BANP: variants seen among roughly 807,000 people sequenced by gnomAD.
BANP encodes protein BANP.
Under a neutral mutation model 68.1 loss-of-function variants are expected in BANP, and 11 were observed. The ratio of observed to expected loss-of-function variants is 0.16; its 90% CI spans 0.10 to 0.27. The LOEUF is 0.27. BANP is among the 10% of genes least tolerant of loss of function. BANP has a pLI of 1.00. For missense variants in BANP, 504 were observed against 722.7 expected (o/e 0.70, Z 3.47); for synonymous variants, 329 against 303.2 (o/e 1.09, Z -0.88).
upstream of BANP, chr16:87,949,857 TTTTG>T (rs2056635317): frequency 2.0e-5 from 3 of 151,918 alleles, no homozygotes; most frequent in African/African-American, 7.3e-5. Flanking sequence ...AGGTAAAGCA[TTTTG>T]TTTTTCTTTC....
rs563517726 is a variant in BANP, at chr16:87,977,896, C to T, written c.70+2711C>T. Among the ~76,000 whole-genome samples the T allele has an allele frequency of 6.6e-4, 101 of 152,232 alleles. 1 individual carries two copies. Among genetic ancestry groups the T allele is most frequent in the Non-Finnish European group, 8.8e-5 (6 of 68,024 alleles). On this transcript the variant is annotated intron_variant, in intron 2 of 13. Transcript: ENST00000682872. ...CTGTTGCCAGGCTGGAGTGCAGTGG[C>T]GTGATCTCAGCTCACTGCAACCTTT...
chr16:87,967,786 C>T (rs1387512488), intron 1 of BANP, among the ~76,000 whole-genome samples: 2 of 152,092 alleles, frequency 1.3e-5, no homozygotes, highest in Non-Finnish European at 2.9e-5. Context: ...CCACGCCCTG[C>T]TAATTTTTGT....
At chr16:87,983,095 A>G (rs11645107) in intron 3 of BANP, among the ~76,000 whole-genome samples, 98,727 of 151,080 alleles carry the variant, frequency 0.65, 32,873 homozygotes, top group African/African-American at 0.74. Context: ...TCTGATGTGC[A>G]CACTTTGGAC....
chr16:87,975,404 C>A (rs2061833772), intron 2 of BANP, among the ~76,000 whole-genome samples: 7 of 152,204 alleles, frequency 4.6e-5, no homozygotes, highest in Admixed American at 4.6e-4. Flanking sequence ...CCCTGTGACA[C>A]TTTGTCTCGA....
rs2070313449 is a variant in BANP, at chr16:88,004,263, T to G, written c.363-32T>G. The G allele has an allele frequency of 7.5e-7, 1 of 1,335,914 alleles. No individual in the cohort carries two copies. The highest frequency in any genetic ancestry group is 1.1e-6 in the Non-Finnish European group (1 of 952,282). 82.8% of individuals were successfully genotyped at this position (1,335,914 alleles called of 1,614,324 possible). A position where few individuals can be genotyped will look rare whatever the true frequency, so the allele number is the denominator to read the frequency against. On this transcript the variant is annotated intron_variant, in intron 4 of 13. Coordinates refer to ENST00000682872, the MANE Select transcript of BANP (RefSeq NM_001386991.1). This position sits in a 1 kb window ranked among gnomAD's most constrained non-coding sequence, Gnocchi z 7.0. ...CCATGAATGTTGTTGTTTTAAGGCCTTCTTTTTCTTTGTGATTCTTTTGTT... is the reference window on the plus strand; with the variant it reads ...CCATGAATGTTGTTGTTTTAAGGCCGTCTTTTTCTTTGTGATTCTTTTGTT...
intron 4 of BANP, among the ~76,000 whole-genome samples, chr16:87,995,835 G>T (rs1211726840): frequency 6.6e-6 from 1 of 152,258 alleles, no homozygotes; most frequent in East Asian, 1.9e-4. Flanking sequence ...GGCGCCAAGG[G>T]GAAGCAGCGC....
chr16:88,074,641 C>T (rs1264290506), intron 13 of BANP, among the ~76,000 whole-genome samples: 1 of 152,066 alleles, frequency 6.6e-6, no homozygotes, highest in Non-Finnish European at 1.5e-5. Context: ...AAGTCCCCAG[C>T]TGCCTTTCCA....
intron 11 of BANP, among the ~76,000 whole-genome samples, chr16:88,053,231 C>G (rs1376321134): frequency 6.6e-5 from 10 of 152,076 alleles, no homozygotes; most frequent in Non-Finnish European, 1.5e-4. Context: ...ACCAACACAA[C>G]CACCCTAACA....
rs747628148 is a variant in BANP at position 88,006,229 on chromosome 16, G to A, written c.619G>A (p.Gly207Arg). 6.2e-7 allele frequency: 1 copy of A among 1,612,112 alleles called. No homozygotes were observed. The highest frequency in any genetic ancestry group is 8.5e-7 in the Non-Finnish European group (1 of 1,179,132). ...TGGGCAGGCGGGCAGTCAGAGCATC[G>A]GGAGCAACGTCACGCTCATCACCCT... ...SCGQAGSQSI[G>R]SNVTLITLNS... Residue 207 changes from glycine to arginine, a missense_variant, in exon 6 of 14, where the codon GGG becomes AGG. Physicochemically the swap from Gly to Arg is moderately radical, Grantham distance 125. Coordinates refer to ENST00000682872, the MANE Select transcript of BANP (RefSeq NM_001386991.1).
intron 8 of BANP, among the ~76,000 whole-genome samples, chr16:88,030,654 CAG>C (rs2152731336): frequency 6.6e-6 from 1 of 152,336 alleles, no homozygotes; most frequent in South Asian, 2.1e-4. Flanking sequence ...AATGTAGACT[CAG>C]AGCATTTGCA....
chr16:88,054,673 G>A (rs979499184), intron 11 of BANP, among the ~76,000 whole-genome samples: 1 of 152,126 alleles, frequency 6.6e-6, no homozygotes, highest in African/African-American at 2.4e-5. Context: ...TCTACTTATT[G>A]GCCTCTCACC....
intron 11 of BANP, among the ~76,000 whole-genome samples, chr16:88,050,861 T>TA (rs952319709): frequency 2.1e-4 from 32 of 152,130 alleles, no homozygotes; most frequent in African/African-American, 7.7e-4. Flanking sequence ...CTAATTTTTT[T>TA]ATTTTTATAG....
chr16:88,033,330 G>A lies in BANP; in HGVS notation c.1200+85G>A, dbSNP rs2078614908. The A allele has an allele frequency of 3.7e-6, 5 of 1,352,990 alleles. No individual in the cohort carries two copies. In the South Asian group the frequency reaches 5.4e-5, roughly 15 times the overall value. The allele number at this position is 1,352,990 out of a possible 1,614,324, so 83.8% of individuals were successfully genotyped here. A position where few individuals can be genotyped will look rare whatever the true frequency, so the allele number is the denominator to read the frequency against. ...GGCCATGGCGGCTTCCACCGGTTCCGCTGTGTTTTGGGAGCACAGTGATAG... is the reference window on the plus strand; with the variant it reads ...GGCCATGGCGGCTTCCACCGGTTCCACTGTGTTTTGGGAGCACAGTGATAG... On this transcript the variant is annotated intron_variant, in intron 9 of 13. Transcript: ENST00000682872.
intron 8 of BANP, among the ~76,000 whole-genome samples, chr16:88,028,437 C>A (rs766192843): frequency 6.6e-6 from 1 of 152,170 alleles, no homozygotes; most frequent in South Asian, 2.1e-4. Context: ...CTTTCTGAAC[C>A]GGACTTCAGG....
intron 4 of BANP, among the ~76,000 whole-genome samples, chr16:87,992,511 C>T (rs1198994241): frequency 1.3e-5 from 2 of 152,036 alleles, no homozygotes; most frequent in Admixed American, 6.6e-5. Context: ...AAATATAGAA[C>T]TGCCAGTCAC....
chr16:88,076,868 G>A lies in BANP; in HGVS notation c.*207G>A, dbSNP rs533976080. The A allele has an allele frequency of 1.1e-5, 6 of 564,296 alleles. No individual in the cohort carries two copies. The highest frequency in any genetic ancestry group is 9.5e-5 in the African/African-American group (5 of 52,702). 35.0% of individuals were successfully genotyped at this position (564,296 alleles called of 1,614,324 possible). A position where few individuals can be genotyped will look rare whatever the true frequency, so the allele number is the denominator to read the frequency against. On this transcript the variant is annotated 3_prime_UTR_variant, in exon 14 of 14. Coordinates refer to ENST00000682872, the MANE Select transcript of BANP (RefSeq NM_001386991.1). ...CCAGCCGGAGACCCCTTTCGTTTGA[G>A]TCCTGCTGTTGGTGTCGGAGCACGA...
At chr16:88,056,857 G>A (rs753782947) in intron 11 of BANP, among the ~76,000 whole-genome samples, 11 of 152,180 alleles carry the variant, frequency 7.2e-5, no homozygotes, top group Non-Finnish European at 1.5e-4. Flanking sequence ...GGCAACTGTT[G>A]CCAAGTTAGC....
At chr16:88,005,016 T>G (rs2070571484) in intron 5 of BANP, among the ~76,000 whole-genome samples, 2 of 152,202 alleles carry the variant, frequency 1.3e-5, no homozygotes, top group Admixed American at 6.5e-5. Context: ...TTGCTTTTTC[T>G]TTCCCATCTG....
intron 7 of BANP, among the ~76,000 whole-genome samples, chr16:88,023,670 C>T (rs2076432754): frequency 1.3e-5 from 2 of 152,190 alleles, no homozygotes; most frequent in African/African-American, 4.8e-5. Flanking sequence ...CATCTCGCTT[C>T]CCACAGTGCC....
Sources: gnomAD v4.1 joint callset for allele counts (sites outside exome capture counted in the v4.1 genomes callset) on GRCh38, gnomAD v4.1.1 for gene constraint, Gnocchi (gnomAD v3.1) non-coding constraint, MANE v1.5 for transcripts, NCBI Gene and HGNC (gene_info 2026-07-23, HGNC 2026-07-21) for gene names.